The following CNIH3 variants were observed in gnomAD, a reference collection of about 807,000 sequenced individuals.
The protein encoded by CNIH3 is cornichon family AMPA receptor auxiliary protein 3.
CNIH3 carries 14 observed loss-of-function variants against 24.1 expected under a neutral mutation model. The observed-to-expected ratio is 0.58, with a 90% CI of 0.38 to 0.91. The LOEUF is 0.91. Ranked by LOEUF, CNIH3 falls within the 40% of genes least tolerant of loss-of-function variation. The pLI, the probability that CNIH3 is intolerant of heterozygous loss-of-function variation, is 0.00. For synonymous variants in CNIH3, 68 were observed against 73.8 expected (o/e 0.92, Z 0.40); for missense variants, 178 against 196.8 (o/e 0.90, Z 0.57).
At chr1:224,447,997 T>C (rs1675234667) in intron 1 of CNIH3, among the ~76,000 whole-genome samples, 1 of 152,220 alleles carries the variant, frequency 6.6e-6, no homozygotes, top group African/African-American at 2.4e-5. Flanking sequence ...CAACCTAAGC[T>C]GGCAGTCACT....
rs779795995 is a variant in CNIH3 at position 224,630,625 on chromosome 1, T to C, written c.81+13370T>C. Among the ~76,000 whole-genome samples the C allele has an allele frequency of 1.5e-4, 23 of 151,866 alleles. 1 individual carries two copies. The highest frequency in any genetic ancestry group is 4.6e-4 in the Admixed American group (7 of 15,234). ...TTCCTCCTGGGGTAAGGGTGGGAGGTGGAGAATGCTTATGGGCCCATTTGC... is the reference window on the plus strand; with the variant it reads ...TTCCTCCTGGGGTAAGGGTGGGAGGCGGAGAATGCTTATGGGCCCATTTGC... On this transcript the variant is annotated intron_variant, in intron 1 of 5. Coordinates refer to ENST00000272133, the MANE Select transcript of CNIH3 (RefSeq NM_152495.2).
chr1:224,568,281 T>A (rs531676611), intron 4 of CNIH3, among the ~76,000 whole-genome samples: 1 of 151,162 alleles, frequency 6.6e-6, no homozygotes, highest in East Asian at 2.0e-4. Context: ...AGAGCAAGAC[T>A]CTGTCTCAAA....
intron 1 of CNIH3, among the ~76,000 whole-genome samples, chr1:224,476,142 C>T (rs58935794): frequency 2.0e-5 from 3 of 152,180 alleles, no homozygotes; most frequent in East Asian, 3.8e-4. Flanking sequence ...TAATATCATA[C>T]TTAAAGTAGA....
chr1:224,464,776 CT>C (rs1485553694), intron 1 of CNIH3, among the ~76,000 whole-genome samples: 1 of 151,850 alleles, frequency 6.6e-6, no homozygotes, highest in African/African-American at 2.4e-5. Flanking sequence ...CTGTATTCTT[CT>C]TTTTTTTAAA....
At chr1:224,465,641 G>A (rs921557786) in intron 1 of CNIH3, among the ~76,000 whole-genome samples, 2 of 152,094 alleles carry the variant, frequency 1.3e-5, no homozygotes, top group Admixed American at 6.6e-5. Flanking sequence ...ATTATAAACG[G>A]GATATTGCAA....
At chr1:224,731,699 G>A (rs1172845468) in intron 4 of CNIH3, among the ~76,000 whole-genome samples, 6 of 152,248 alleles carry the variant, frequency 3.9e-5, no homozygotes, top group African/African-American at 1.2e-4. Context: ...GTGGTGGAGG[G>A]AAATATGTTC....
intron 1 of CNIH3, among the ~76,000 whole-genome samples, chr1:224,505,374 A>G (rs908737331): frequency 2.0e-5 from 3 of 151,764 alleles, no homozygotes; most frequent in African/African-American, 7.3e-5. Context: ...GTACTCAGGT[A>G]CCTTGAATAC....
intron 3 of CNIH3, among the ~76,000 whole-genome samples, chr1:224,721,762 G>A (rs1688735113): frequency 6.6e-6 from 1 of 152,178 alleles, no homozygotes; most frequent in African/African-American, 2.4e-5. Flanking sequence ...AGAGACAGGT[G>A]GAAGGAGCTT....
intron 1 of CNIH3, among the ~76,000 whole-genome samples, chr1:224,456,984 C>G (rs757571176): frequency 6.6e-6 from 1 of 152,220 alleles, no homozygotes; most frequent in African/African-American, 2.4e-5. Flanking sequence ...AAGGCCACCC[C>G]GCTCAGGCCT....
intron 1 of CNIH3, among the ~76,000 whole-genome samples, chr1:224,623,408 C>G (rs1193098055): frequency 6.6e-6 from 1 of 152,106 alleles, no homozygotes; most frequent in African/African-American, 2.4e-5. Flanking sequence ...CTTCTCTCAC[C>G]CCAGGTACCC....
chr1:224,536,234 G>A (rs12043625), intron 2 of CNIH3, among the ~76,000 whole-genome samples: 35,573 of 149,862 alleles, frequency 0.24, 4,890 homozygotes, highest in African/African-American at 0.37. Flanking sequence ...TTTGCATTTT[G>A]GTGGCATCCC....
chr1:224,634,771 C>T (rs1427753459), intron 1 of CNIH3, among the ~76,000 whole-genome samples: 17 of 152,080 alleles, frequency 1.1e-4, no homozygotes, highest in Admixed American at 1.1e-3. Flanking sequence ...GCCCAGTTAC[C>T]CTGCATCTGT....
chr1:224,479,144 CTTTTTTTTTTTTTTT>C (rs35188696), intron 1 of CNIH3, among the ~76,000 whole-genome samples: 1 of 53,692 alleles, frequency 1.9e-5, no homozygotes, highest in Non-Finnish European at 3.2e-5. Flanking sequence ...CCCCCAAAGT[CTTTTTTTTTTTTTTT>C]TTTTTTTTTT....
chr1:224,586,055 C>T (rs1001170741), intron 5 of CNIH3, among the ~76,000 whole-genome samples: 2 of 152,202 alleles, frequency 1.3e-5, no homozygotes, highest in African/African-American at 2.4e-5. Context: ...GAAAGACTTC[C>T]TTCCCCTAGT....
Position 224,617,189 on chromosome 1 carries a change from C to A in CNIH3, c.15C>A (p.Phe5Leu), listed in dbSNP as rs551694372. The A allele has an allele frequency of 7.5e-5, 121 of 1,614,154 alleles. No individual in the cohort carries two copies. In the Middle Eastern group the frequency reaches 8.2e-4, roughly 11 times the overall value. The change falls in exon 1 of 6, where the codon TTC becomes TTA. Residue 5 changes from phenylalanine (F) to leucine (L), a missense_variant. By Grantham distance (22) the Phe-to-Leu change is conservative. Transcript: ENST00000272133. MAFTFAAFCYMLSLV... is the reference protein window; with the variant it reads MAFTLAAFCYMLSLV... The stretch of plus-strand genomic sequence containing the variant: ...GTCCGCCGGCCATGGCCTTCACTTT[C>A]GCTGCGTTCTGCTACATGCTGTCTC...
At chr1:224,641,391 C>T (rs189564587) in intron 1 of CNIH3, among the ~76,000 whole-genome samples, 156 of 152,348 alleles carry the variant, frequency 1.0e-3, no homozygotes, top group African/African-American at 3.7e-3. Context: ...TCTTTGGATT[C>T]CCCACTTTTA....
intron 3 of CNIH3, among the ~76,000 whole-genome samples, chr1:224,548,941 T>C (rs1679810077): frequency 6.6e-6 from 1 of 151,650 alleles, no homozygotes; most frequent in African/African-American, 2.4e-5. Context: ...TCTAGGACAT[T>C]GTTCGTAGTA....
At chr1:224,528,358 T>C (rs918551767) in intron 2 of CNIH3, among the ~76,000 whole-genome samples, 1 of 152,194 alleles carries the variant, frequency 6.6e-6, no homozygotes, top group African/African-American at 2.4e-5. Context: ...TCTTATTATA[T>C]TGTACAGGTT....
chr1:224,623,384 A>G (rs1053505403), intron 1 of CNIH3, among the ~76,000 whole-genome samples: 3 of 150,952 alleles, frequency 2.0e-5, no homozygotes, highest in Non-Finnish European at 4.4e-5. Context: ...CCAGGAGTCT[A>G]CTCTCTTCCC....
Sources: allele counts gnomAD v4.1 joint callset (sites outside exome capture counted in the v4.1 genomes callset), GRCh38; gene constraint gnomAD v4.1.1; transcripts MANE v1.5; gene names NCBI Gene and HGNC (gene_info 2026-07-23, HGNC 2026-07-21).